Variants in YIPF6 observed in about 807,000 individuals in gnomAD.
The protein encoded by YIPF6 is Yip1 domain family member 6.
A neutral mutation model predicts 16.8 loss-of-function variants in YIPF6; 3 were observed. The ratio of observed to expected loss-of-function variants is 0.18; its 90% CI spans 0.08 to 0.46. YIPF6 has a LOEUF of 0.46. Among genes scored for constraint, YIPF6 ranks in the 20% least tolerant of loss-of-function variants. The pLI, the probability that YIPF6 is intolerant of heterozygous loss-of-function variation, is 0.98. For synonymous variants in YIPF6, 67 were observed against 61.9 expected, an observed-to-expected ratio of 1.08 and a Z score of -0.38; for missense variants, 145 against 184.9, an observed-to-expected ratio of 0.78 and a Z score of 1.25.
chrX:68,529,669 C>T (rs1325033041), intron 6 of YIPF6, among the ~76,000 whole-genome samples: 1 of 111,595 alleles, frequency 9.0e-6, no homozygotes, highest in African/African-American at 3.3e-5. Flanking sequence ...GTGTGGATGT[C>T]CTTTTTTTGA....
At chrX:68,501,063 T>C (rs2079039463) in intron 1 of YIPF6, among the ~76,000 whole-genome samples, 1 of 112,069 alleles carries the variant, frequency 8.9e-6, no homozygotes, top group Admixed American at 9.6e-5. Context: ...CATTACTCAA[T>C]ATGCAATCCG....
chrX:68,531,715 A>G (rs1473527031), intron 6 of YIPF6, among the ~76,000 whole-genome samples, 166 bp from the exon 7 acceptor site: 1 of 112,141 alleles, frequency 8.9e-6, no homozygotes, highest in Non-Finnish European at 1.9e-5. Context: ...CTGAAAAACT[A>G]TGTTGCAGAA....
At chrX:68,528,981 C>T (rs2079160427) in intron 6 of YIPF6, among the ~76,000 whole-genome samples, 2 of 111,056 alleles carry the variant, frequency 1.8e-5, no homozygotes, top group African/African-American at 6.6e-5. Context: ...CAAGGAATAT[C>T]TTTGTGGTGT....
intron 1 of YIPF6, 145 bp from the exon 2 acceptor site, chrX:68,511,704 T>C (rs2079081525): frequency 1.8e-6 from 1 of 543,135 alleles, no homozygotes; most frequent in African/African-American, 2.4e-5. Flanking sequence ...TTAACTGCAT[T>C]GTGTAATGTC....
chrX:68,501,915 A>C (rs1420003738), intron 1 of YIPF6, among the ~76,000 whole-genome samples: 1 of 111,746 alleles, frequency 8.9e-6, no homozygotes, highest in Non-Finnish European at 1.9e-5. Context: ...GGAAATTACC[A>C]AACCCCTCCT....
At chrX:68,518,835 T>A in intron 4 of YIPF6, 23 bp downstream of exon 4, 1 of 1,166,085 alleles carries the variant, frequency 8.6e-7, no homozygotes, top group Non-Finnish European at 1.1e-6. Flanking sequence ...ATTTTCTTTC[T>A]TTGTCATTTG....
chrX:68,512,401 G>A (rs1409762968), intron 2 of YIPF6, among the ~76,000 whole-genome samples: 1 of 109,942 alleles, frequency 9.1e-6, no homozygotes, highest in Non-Finnish European at 1.9e-5. Context: ...GCAGTGAGCC[G>A]AGATCGCACC....
chrX:68,530,262 C>T (rs1379447304), intron 6 of YIPF6, among the ~76,000 whole-genome samples: 1 of 111,296 alleles, frequency 9.0e-6, no homozygotes, highest in East Asian at 2.8e-4. Flanking sequence ...TTTCTTTACA[C>T]TGTGAGGGGA....
Position 68,532,174 on chromosome X carries a change from T to C in YIPF6, c.*175T>C, listed in dbSNP as rs2079174200. On this transcript the variant is annotated 3_prime_UTR_variant, in exon 7 of 7. Coordinates refer to ENST00000462683, the MANE Select transcript of YIPF6 (RefSeq NM_173834.4). ...CACTGTCACCCCTTATTTGAGGAAC[T>C]GATGTTTGAAAGGCTGTTCTTTTCT... is the stretch of plus-strand genomic sequence containing the variant. 1 of 399,894 alleles carries C rather than the reference T, an allele frequency of 2.5e-6. No individual in the cohort carries two copies. The allele number at this position is 399,894 out of a possible 1,213,427, so 33.0% of individuals were successfully genotyped here. A position where few individuals can be genotyped will look rare whatever the true frequency, so the allele number is the denominator to read the frequency against.
chrX:68,508,654 G>T (rs1049225124), intron 1 of YIPF6, among the ~76,000 whole-genome samples: 1 of 111,954 alleles, frequency 8.9e-6, no homozygotes, highest in African/African-American at 3.2e-5. Flanking sequence ...TGTATTTCTA[G>T]CATTGCCATC....
At chrX:68,516,041 T>G (rs2079101373) in intron 3 of YIPF6, among the ~76,000 whole-genome samples, 1 of 111,270 alleles carries the variant, frequency 9.0e-6, no homozygotes, top group South Asian at 3.8e-4. Context: ...AAGAATCGCT[T>G]GAACCCGGGA....
At chrX:68,506,983 T>G (rs1474199520) in intron 1 of YIPF6, among the ~76,000 whole-genome samples, 1 of 112,394 alleles carries the variant, frequency 8.9e-6, no homozygotes, top group Non-Finnish European at 1.9e-5. Flanking sequence ...AATAACTTCT[T>G]AATATATCTC....
intron 2 of YIPF6, 49 bp downstream of exon 2, chrX:68,512,026 G>GTAACTAATAGTACT (rs777834637): frequency 1.8e-6 from 2 of 1,099,554 alleles, no homozygotes; most frequent in East Asian, 6.2e-5. Context: ...ATGGGACTAA[G>GTAACTAATAGTACT]TAACTAATAG....
chrX:68,509,441 G>A (rs768270295), intron 1 of YIPF6, among the ~76,000 whole-genome samples: 76 of 111,518 alleles, frequency 6.8e-4, no homozygotes, highest in Non-Finnish European at 1.1e-3. Context: ...TAATGTTCAT[G>A]TTCTGTACTC....
At chrX:68,531,084 G>A (rs898137329) in intron 6 of YIPF6, among the ~76,000 whole-genome samples, 3 of 109,502 alleles carry the variant, frequency 2.7e-5, no homozygotes, top group Non-Finnish European at 5.7e-5. Flanking sequence ...GGCATAAGCT[G>A]TAGCACCCAG....
chrX:68,525,552 CTT>C (rs1156838355), intron 6 of YIPF6, among the ~76,000 whole-genome samples: 1 of 112,188 alleles, frequency 8.9e-6, no homozygotes, highest in Non-Finnish European at 1.9e-5. Flanking sequence ...GTCATGAAGT[CTT>C]TGCCTATGCC....
chrX:68,513,850 A>G, intron 3 of YIPF6: 2 of 110,624 alleles, frequency 1.8e-5, no homozygotes, highest in Admixed American at 2.0e-4. Context: ...CGGCCTCCCA[A>G]AGTGCTAGGA....
At chrX:68,511,785 T>TG in intron 1 of YIPF6, 64 bp from the exon 2 acceptor site, 1 of 1,124,810 alleles carries the variant, frequency 8.9e-7, no homozygotes, top group East Asian at 3.1e-5. Context: ...TAGGAAATGA[T>TG]GATATATATG....
At chrX:68,530,575 A>G in intron 6 of YIPF6, among the ~76,000 whole-genome samples, 1 of 110,997 alleles carries the variant, frequency 9.0e-6, no homozygotes, top group Non-Finnish European at 1.9e-5. Flanking sequence ...TTTGTGCTTG[A>G]AATCCAGGGC....
Sources: gnomAD v4.1 joint callset for allele counts (sites outside exome capture counted in the v4.1 genomes callset) on GRCh38, gnomAD v4.1.1 for gene constraint, MANE v1.5 for transcripts, NCBI Gene and HGNC (gene_info 2026-07-23, HGNC 2026-07-21) for gene names.